RNGTT: variants seen among roughly 807,000 people sequenced by gnomAD.
RNGTT encodes mRNA-capping enzyme.
RNGTT carries 33 observed loss-of-function variants against 79.3 expected under a neutral mutation model. The ratio of observed to expected loss-of-function variants is 0.42; its 90% CI spans 0.32 to 0.56. The LOEUF is 0.56. RNGTT is among the 20% of genes least tolerant of loss of function. RNGTT has a pLI of 0.17. For synonymous variants in RNGTT, 222 were observed against 235.9 expected, an observed-to-expected ratio of 0.94 and a Z score of 0.54; for missense variants, 497 against 739.1, an observed-to-expected ratio of 0.67 and a Z score of 3.80.
intron 1 of RNGTT, among the ~76,000 whole-genome samples, chr6:88,952,760 G>C (rs1364033264): frequency 2.6e-5 from 4 of 152,194 alleles, no homozygotes; most frequent in African/African-American, 9.7e-5. Context: ...ATCAATGGCT[G>C]GGACACCTGA....
At chr6:88,836,982 A>T (rs1241182172) in intron 11 of RNGTT, among the ~76,000 whole-genome samples, 1 of 152,224 alleles carries the variant, frequency 6.6e-6, no homozygotes, top group Non-Finnish European at 1.5e-5. Flanking sequence ...TAAATGTACC[A>T]ATTTTCACAT....
At chr6:88,737,166 T>G (rs1777315347) in intron 13 of RNGTT, among the ~76,000 whole-genome samples, 1 of 152,222 alleles carries the variant, frequency 6.6e-6, no homozygotes, top group African/African-American at 2.4e-5. Context: ...TTCCTTCTGA[T>G]TTCTCCTTCT....
chr6:88,671,561 T>TA (rs1359236619), intron 14 of RNGTT, among the ~76,000 whole-genome samples: 1 of 151,910 alleles, frequency 6.6e-6, no homozygotes, highest in African/African-American at 2.4e-5. Flanking sequence ...GCAATTCCCA[T>TA]AAAAATACCA....
Position 88,612,461 on chromosome 6 carries a change from A to G in RNGTT, c.*258T>C, listed in dbSNP as rs1043816548. ...CTTGTTTAAACCTTTGGATATTTCAATCTTCAGATTCCACAAGGTAAGGCT... is the reference window on the plus strand; with the variant it reads ...CTTGTTTAAACCTTTGGATATTTCAGTCTTCAGATTCCACAAGGTAAGGCT... On this transcript the variant is annotated 3_prime_UTR_variant, in exon 16 of 16. Coordinates refer to ENST00000369485, the MANE Select transcript of RNGTT (RefSeq NM_003800.5). 2.5e-5 allele frequency: 8 copies of G among 326,458 alleles called. No homozygotes were observed. The highest frequency in any genetic ancestry group is 1.5e-4 in the African/African-American group (7 of 46,478). The allele number at this position is 326,458 out of a possible 1,614,324, so 20.2% of individuals were successfully genotyped here.
chr6:88,618,616 C>G (rs988910539), intron 14 of RNGTT, among the ~76,000 whole-genome samples: 1 of 152,124 alleles, frequency 6.6e-6, no homozygotes, highest in Non-Finnish European at 1.5e-5. Flanking sequence ...TTACATTGAA[C>G]TGATGAGGTT....
chr6:88,939,665 T>C (rs527426200), intron 2 of RNGTT, among the ~76,000 whole-genome samples: 4 of 152,246 alleles, frequency 2.6e-5, no homozygotes, highest in African/African-American at 7.2e-5. Context: ...TATCTGCTGC[T>C]GAAGGATTAT....
intron 2 of RNGTT, among the ~76,000 whole-genome samples, chr6:88,939,370 T>C (rs922317201): frequency 3.3e-5 from 5 of 152,190 alleles, no homozygotes; most frequent in African/African-American, 1.2e-4. Context: ...AGATTCTTTC[T>C]TCTGCCTGAT....
chr6:88,932,769 A>G (rs1212620545), intron 2 of RNGTT, among the ~76,000 whole-genome samples: 1 of 152,176 alleles, frequency 6.6e-6, no homozygotes, highest in Non-Finnish European at 1.5e-5. Context: ...GCCCTTCAGT[A>G]TGAAAAATCT....
At chr6:88,789,357 G>A (rs1779329677) in intron 12 of RNGTT, among the ~76,000 whole-genome samples, 1 of 152,084 alleles carries the variant, frequency 6.6e-6, no homozygotes, top group Non-Finnish European at 1.5e-5. Context: ...GTCAGGAGAT[G>A]GAGACTATCC....
intron 11 of RNGTT, among the ~76,000 whole-genome samples, chr6:88,825,591 AT>A (rs1300186787): frequency 6.6e-6 from 1 of 152,164 alleles, no homozygotes. Flanking sequence ...ACATACATAT[AT>A]TTTTTTAAAA....
At chr6:88,717,639 A>G (rs9344844) in intron 13 of RNGTT, among the ~76,000 whole-genome samples, 40,813 of 152,090 alleles carry the variant, frequency 0.27, 9,602 homozygotes, top group African/African-American at 0.64. Flanking sequence ...TTCAGACTGG[A>G]TACTGGAGAC....
At chr6:88,686,669 G>A (rs60348839) in intron 13 of RNGTT, among the ~76,000 whole-genome samples, 3,732 of 152,128 alleles carry the variant, frequency 0.025, 138 homozygotes, top group African/African-American at 0.085. Context: ...GAGCAGAAGT[G>A]AAAGGATAAT....
chr6:88,812,796 C>T (rs757374342), intron 11 of RNGTT, among the ~76,000 whole-genome samples: 4 of 152,170 alleles, frequency 2.6e-5, no homozygotes, highest in Non-Finnish European at 5.9e-5. Context: ...GACCTAAATA[C>T]ACATAAAATA....
At chr6:88,826,511 C>T (rs1031162634) in intron 11 of RNGTT, among the ~76,000 whole-genome samples, 17 of 152,120 alleles carry the variant, frequency 1.1e-4, no homozygotes, top group Admixed American at 6.5e-4. Context: ...CGGCCAGGTG[C>T]GGTGGCTTAC....
intron 13 of RNGTT, among the ~76,000 whole-genome samples, chr6:88,761,474 G>A (rs757376592): frequency 1.1e-4 from 17 of 151,196 alleles, no homozygotes; most frequent in Admixed American, 2.6e-4. Context: ...CTGGGCAACA[G>A]AGTAAGTCTC....
intron 9 of RNGTT, 82 bp from the exon 10 acceptor site, chr6:88,849,908 G>C: frequency 7.8e-7 from 1 of 1,285,680 alleles, no homozygotes; most frequent in Non-Finnish European, 1.0e-6. Context: ...CATACACACA[G>C]TAAGCACATA....
chr6:88,709,000 G>A (rs1776232949), intron 13 of RNGTT, among the ~76,000 whole-genome samples: 1 of 152,108 alleles, frequency 6.6e-6, no homozygotes, highest in African/African-American at 2.4e-5. Context: ...GAAGGAAGAT[G>A]AAATCATCTT....
At chr6:88,705,352 G>C (rs896403938) in intron 13 of RNGTT, among the ~76,000 whole-genome samples, 5 of 151,680 alleles carry the variant, frequency 3.3e-5, no homozygotes, top group Admixed American at 6.6e-5. Flanking sequence ...AAACATACTT[G>C]AGAAATGTAA....
intron 11 of RNGTT, among the ~76,000 whole-genome samples, chr6:88,815,288 A>AGCTG (rs900517046): frequency 1.1e-4 from 17 of 152,358 alleles, no homozygotes; most frequent in African/African-American, 4.1e-4. Context: ...TGACTCCACC[A>AGCTG]GGAAAGCACA....
Sources: allele counts gnomAD v4.1 joint callset (sites outside exome capture counted in the v4.1 genomes callset), GRCh38; gene constraint gnomAD v4.1.1; transcripts MANE v1.5; gene names NCBI Gene and HGNC (gene_info 2026-07-23, HGNC 2026-07-21).